TENT5D: variants seen among roughly 807,000 people sequenced by gnomAD.
TENT5D encodes terminal nucleotidyltransferase 5D.
For missense variants in TENT5D, 191 were observed against 287.0 expected (o/e 0.67, Z 2.42); for synonymous variants, 103 against 100.6 (o/e 1.02, Z -0.15).
chrX:80,390,395 T>G (rs747852933), intron 3 of TENT5D, among the ~76,000 whole-genome samples: 8 of 111,866 alleles, frequency 7.2e-5, no homozygotes, highest in Non-Finnish European at 1.3e-4. Context: ...AGTAGTGTTA[T>G]TCTCTAGGCA....
intron 3 of TENT5D, among the ~76,000 whole-genome samples, chrX:80,347,386 T>A (rs1930085558): frequency 1.8e-5 from 2 of 112,456 alleles, no homozygotes; most frequent in African/African-American, 6.5e-5. Flanking sequence ...TGGTGTGAGA[T>A]GTTATCTCAT....
chrX:80,348,574 T>A (rs1002519335), intron 3 of TENT5D, among the ~76,000 whole-genome samples: 2 of 111,333 alleles, frequency 1.8e-5, no homozygotes, highest in African/African-American at 6.5e-5. Context: ...GACGGTGGGG[T>A]TTTCTAAATA....
At chrX:80,383,203 A>T (rs187850101) in intron 3 of TENT5D, among the ~76,000 whole-genome samples, 1 of 112,581 alleles carries the variant, frequency 8.9e-6, no homozygotes, top group Admixed American at 9.4e-5. Context: ...ATTAATTTAT[A>T]ATTTTAAAAG....
At chrX:80,409,637 G>A (rs1931594587) in intron 3 of TENT5D, among the ~76,000 whole-genome samples, 1 of 111,298 alleles carries the variant, frequency 9.0e-6, no homozygotes, top group Non-Finnish European at 1.9e-5. Context: ...CTCATGGGTG[G>A]GAAGAATCAA....
intron 3 of TENT5D, among the ~76,000 whole-genome samples, chrX:80,408,539 C>G (rs1446289826): frequency 9.1e-6 from 1 of 109,822 alleles, no homozygotes; most frequent in South Asian, 4.0e-4. Flanking sequence ...TCTCCCAAGA[C>G]TAAACCAGGA....
chrX:80,369,630 G>A (rs764285260), intron 3 of TENT5D, among the ~76,000 whole-genome samples: 11 of 112,049 alleles, frequency 9.8e-5, no homozygotes, highest in East Asian at 8.4e-4. Context: ...CATGGTTTGC[G>A]TTGCACTTGT....
chrX:80,353,740 T>C (rs995569416), intron 3 of TENT5D, among the ~76,000 whole-genome samples: 3 of 112,156 alleles, frequency 2.7e-5, no homozygotes, highest in Non-Finnish European at 3.8e-5. Flanking sequence ...AATGAACATA[T>C]GCATGCATGT....
chrX:80,416,207 T>C (rs1931769981), upstream of TENT5D, among the ~76,000 whole-genome samples: 2 of 109,194 alleles, frequency 1.8e-5, no homozygotes, highest in Admixed American at 9.8e-5. Context: ...TAGGTAGTTG[T>C]CTATCTTATT....
At chrX:80,427,536 T>A (rs751584497) in intron 1 of TENT5D, among the ~76,000 whole-genome samples, 2 of 112,280 alleles carry the variant, frequency 1.8e-5, no homozygotes, top group African/African-American at 6.5e-5. Context: ...TTTTTCCCTT[T>A]AAAAAATATT....
chrX:80,341,077 C>T (rs759764052), intron 2 of TENT5D, among the ~76,000 whole-genome samples: 9 of 111,678 alleles, frequency 8.1e-5, no homozygotes, highest in African/African-American at 2.9e-4. Flanking sequence ...ACTTTGAAGT[C>T]ATTGTAAAAA....
intron 3 of TENT5D, among the ~76,000 whole-genome samples, chrX:80,364,022 T>C (rs1395668729): frequency 8.9e-6 from 1 of 112,427 alleles, no homozygotes; most frequent in Non-Finnish European, 1.9e-5. Context: ...ATAGTCACCA[T>C]CCTGTACATT....
At chrX:80,408,517 C>G (rs1292324474) in intron 3 of TENT5D, among the ~76,000 whole-genome samples, 1 of 108,967 alleles carries the variant, frequency 9.2e-6, no homozygotes, top group Non-Finnish European at 1.9e-5. Flanking sequence ...ATAAATTCCT[C>G]GACACATACA....
intron 1 of TENT5D, among the ~76,000 whole-genome samples, chrX:80,429,619 T>C (rs1438803974): frequency 9.0e-6 from 1 of 111,117 alleles, no homozygotes; most frequent in African/African-American, 3.3e-5. Flanking sequence ...CTGGATTTTA[T>C]AGGCCTGTGA....
rs189325300 is a variant in TENT5D at position 80,361,785 on chromosome X, A to G, written c.-142+19221A>G. Among the ~76,000 whole-genome samples, 60 of 112,123 alleles carry G rather than the reference A, an allele frequency of 5.4e-4. No individual in the cohort carries two copies. The East Asian group carries it at 0.01, about 19-fold the overall frequency. ...TCTTGGACATGTGTCTACAGCATTG[A>G]TAAAATTTACTTAGCACTATTTTTA... On this transcript the variant is annotated intron_variant, in intron 3 of 4. Transcript: ENST00000538312.
At chrX:80,342,053 G>A (rs1292866027) in intron 2 of TENT5D, among the ~76,000 whole-genome samples, 1 of 110,770 alleles carries the variant, frequency 9.0e-6, no homozygotes, top group East Asian at 2.8e-4. Context: ...GGCATATGAA[G>A]ATATATAGAG....
chrX:80,444,203 G>A (rs1438201568), exon 3 of TENT5D: 1 of 122,713 alleles, frequency 8.1e-6, no homozygotes, highest in Non-Finnish European at 1.9e-5. Flanking sequence ...TAACAGAAAT[G>A]CCTAATTTCA....
chrX:80,341,764 T>G (rs1429122814), intron 2 of TENT5D, among the ~76,000 whole-genome samples: 1 of 99,950 alleles, frequency 1.0e-5, no homozygotes, highest in African/African-American at 3.7e-5. Context: ...CAGGCTGGAG[T>G]GCAGTGGCGC....
intron 1 of TENT5D, among the ~76,000 whole-genome samples, chrX:80,423,253 T>C (rs1931923306): frequency 8.9e-6 from 1 of 112,112 alleles, no homozygotes; most frequent in Non-Finnish European, 1.9e-5. Context: ...GTACTACTGT[T>C]GTAGTTTTCC....
chrX:80,367,349 C>T (rs1438234522), intron 3 of TENT5D, among the ~76,000 whole-genome samples: 1 of 111,451 alleles, frequency 9.0e-6, no homozygotes, highest in Admixed American at 9.6e-5. Flanking sequence ...ACAACAAATG[C>T]TTGATGATGG....
Sources: allele counts gnomAD v4.1 joint callset (sites outside exome capture counted in the v4.1 genomes callset), GRCh38; gene constraint gnomAD v4.1.1; transcripts MANE v1.5; gene names NCBI Gene and HGNC (gene_info 2026-07-23, HGNC 2026-07-21).